Variants in INPP4B observed in about 807,000 individuals in gnomAD.
INPP4B encodes inositol polyphosphate 4-phosphatase type II.
In INPP4B, 55 loss-of-function variants were observed where a neutral mutation model predicts 122.5. The ratio of observed to expected loss-of-function variants is 0.45; its 90% confidence interval spans 0.36 to 0.56. The LOEUF is 0.56. Among genes scored for constraint, INPP4B ranks in the 20% least tolerant of loss-of-function variants. INPP4B has a pLI of 0.00. For missense variants in INPP4B, 1,000 were observed against 1,097.7 expected, an observed-to-expected ratio of 0.91 and a Z score of 1.26; for synonymous variants, 403 against 388.7, an observed-to-expected ratio of 1.04 and a Z score of -0.43.
At chr4:142,444,245 G>C (rs531046701) in intron 3 of INPP4B, among the ~76,000 whole-genome samples, 2 of 152,180 alleles carry the variant, frequency 1.3e-5, no homozygotes, top group African/African-American at 2.4e-5. Context: ...TAAGTTCCTT[G>C]TAGATTTTTG....
intron 15 of INPP4B, among the ~76,000 whole-genome samples, chr4:142,184,415 C>G (rs1042261795): frequency 6.6e-6 from 1 of 152,214 alleles, no homozygotes; most frequent in African/African-American, 2.4e-5. Context: ...ACATTTTCCA[C>G]AAGTGTCTTT....
chr4:142,270,776 T>C lies in INPP4B; in HGVS notation c.504-2A>G. On this transcript the variant is annotated splice_acceptor_variant, in intron 9 of 25. Transcript: ENST00000262992. LOFTEE classifies it high-confidence loss of function. The stretch of plus-strand genomic sequence containing the variant: ...ACCACTTTGCCACCATCTGAAGTTC[T>C]GCAACAAAAAATACACGAAATGGAA... 1.2e-6 allele frequency: 2 copies of C among 1,600,058 alleles called. No homozygotes were observed. The highest frequency in any genetic ancestry group is 2.2e-5 in the East Asian group (1 of 44,808).
At chr4:142,204,904 C>T (rs1023487915) in intron 14 of INPP4B, among the ~76,000 whole-genome samples, 1 of 152,058 alleles carries the variant, frequency 6.6e-6, no homozygotes, top group African/African-American at 2.4e-5. Context: ...GCTATTTTAG[C>T]AACCCAGTTT....
At chr4:142,377,576 A>G (rs553899261) in intron 7 of INPP4B, among the ~76,000 whole-genome samples, 3 of 152,232 alleles carry the variant, frequency 2.0e-5, no homozygotes, top group South Asian at 4.1e-4. Context: ...TGGCTCAAGA[A>G]GACACAACCA....
intron 1 of INPP4B, among the ~76,000 whole-genome samples, chr4:142,829,623 T>C: frequency 6.6e-6 from 1 of 152,136 alleles, no homozygotes; most frequent in East Asian, 1.9e-4. Flanking sequence ...ACACTGACAG[T>C]GAAATTCTTA....
chr4:142,500,079 G>A (rs1016310105), intron 2 of INPP4B, among the ~76,000 whole-genome samples: 5 of 152,100 alleles, frequency 3.3e-5, no homozygotes, highest in Admixed American at 3.3e-4. Context: ...CTAAACATTT[G>A]GCCAATTCTG....
chr4:142,446,116 T>G (rs1255302465), intron 3 of INPP4B, among the ~76,000 whole-genome samples: 1 of 151,594 alleles, frequency 6.6e-6, no homozygotes, highest in Non-Finnish European at 1.5e-5. Context: ...AAGGGCAAAT[T>G]AAATCTAAAA....
chr4:142,553,256 T>G (rs6537111), intron 2 of INPP4B, among the ~76,000 whole-genome samples: 2 of 152,094 alleles, frequency 1.3e-5, no homozygotes, highest in Non-Finnish European at 2.9e-5. Context: ...TGCTTTCATT[T>G]TCACCTCTAC....
chr4:142,578,715 G>T (rs558362550), intron 2 of INPP4B, among the ~76,000 whole-genome samples: 2 of 151,790 alleles, frequency 1.3e-5, no homozygotes, highest in Non-Finnish European at 2.9e-5. Context: ...AAGGTACTGG[G>T]GGTTAGGGAT....
chr4:142,634,853 T>G (rs973861783), intron 2 of INPP4B, among the ~76,000 whole-genome samples: 6 of 151,838 alleles, frequency 4.0e-5, no homozygotes, highest in Non-Finnish European at 7.4e-5. Context: ...GTATAAGAAC[T>G]GGAAAAAAAT....
intron 2 of INPP4B, among the ~76,000 whole-genome samples, chr4:142,533,753 C>G (rs1003836028): frequency 6.6e-6 from 1 of 152,106 alleles, no homozygotes; most frequent in African/African-American, 2.4e-5. Context: ...ATGACCCACC[C>G]TGAAAAGTTG....
At chr4:142,107,922 G>A (rs1787970195) in intron 23 of INPP4B, among the ~76,000 whole-genome samples, 171 bp downstream of exon 23, 1 of 152,238 alleles carries the variant, frequency 6.6e-6, no homozygotes, top group South Asian at 2.1e-4. Context: ...GAATGATGCA[G>A]GTGTTGGCCA....
At chr4:142,144,565 A>T (rs1809664588) in intron 18 of INPP4B, among the ~76,000 whole-genome samples, 2 of 152,096 alleles carry the variant, frequency 1.3e-5, no homozygotes, top group African/African-American at 4.8e-5. Flanking sequence ...ATTCATGTAA[A>T]GTTATGAAGC....
At chr4:142,161,704 A>G (rs767268442) in intron 16 of INPP4B, among the ~76,000 whole-genome samples, 24 of 151,906 alleles carry the variant, frequency 1.6e-4, no homozygotes, top group Non-Finnish European at 2.8e-4. Flanking sequence ...ACTAAAGAAA[A>G]CCAGTTAAGC....
intron 2 of INPP4B, among the ~76,000 whole-genome samples, chr4:142,611,400 C>T (rs897529254): frequency 4.6e-5 from 7 of 152,052 alleles, no homozygotes; most frequent in African/African-American, 1.7e-4. Flanking sequence ...TATTTATAAG[C>T]ATCTGTAATA....
At chr4:142,163,074 G>T (rs1050636243) in intron 16 of INPP4B, among the ~76,000 whole-genome samples, 1 of 151,806 alleles carries the variant, frequency 6.6e-6, no homozygotes, top group African/African-American at 2.4e-5. Flanking sequence ...AGCTTGAAAA[G>T]ATTAATGTAG....
At chr4:142,738,108 G>T (rs978349617) in intron 1 of INPP4B, among the ~76,000 whole-genome samples, 2 of 152,022 alleles carry the variant, frequency 1.3e-5, no homozygotes, top group Non-Finnish European at 2.9e-5. Context: ...CCCATTACTG[G>T]GTATATACCC....
chr4:142,751,492 C>CTT (rs1346756718), intron 1 of INPP4B, among the ~76,000 whole-genome samples: 1 of 151,832 alleles, frequency 6.6e-6, no homozygotes, highest in Non-Finnish European at 1.5e-5. Flanking sequence ...TGTTTCCACT[C>CTT]TCTCTTTTAC....
intron 7 of INPP4B, among the ~76,000 whole-genome samples, chr4:142,360,923 A>G (rs1176651721): frequency 6.6e-6 from 1 of 151,976 alleles, no homozygotes; most frequent in Non-Finnish European, 1.5e-5. Flanking sequence ...AAATATTTAT[A>G]TATACATATC....
Sources: allele counts gnomAD v4.1 joint callset (sites outside exome capture counted in the v4.1 genomes callset), GRCh38; gene constraint gnomAD v4.1.1; transcripts MANE v1.5; gene names NCBI Gene and HGNC (gene_info 2026-07-23, HGNC 2026-07-21).